Variants in PITPNB observed in about 807,000 individuals in gnomAD.
PITPNB encodes phosphatidylinositol transfer protein beta.
A neutral mutation model predicts 45.9 loss-of-function variants in PITPNB; 16 were observed. The ratio of observed to expected loss-of-function variants is 0.35; its 90% CI spans 0.24 to 0.53. The LOEUF (loss-of-function observed/expected upper bound fraction) is 0.53. Among genes scored for constraint, PITPNB ranks in the 20% least tolerant of loss-of-function variants. The pLI is 0.93. For missense variants in PITPNB, 188 were observed against 330.5 expected (o/e 0.57, Z 3.34); for synonymous variants, 112 against 108.9 (o/e 1.03, Z -0.18).
chr22:27,860,270 T>G, intron 8 of PITPNB, 29 bp from the exon 9 acceptor site: 1 of 1,314,624 alleles, frequency 7.6e-7, no homozygotes. Context: ...AAAGGAGAAA[T>G]TATGACTTAA....
chr22:27,885,903 G>A (rs1177640531), intron 7 of PITPNB, among the ~76,000 whole-genome samples: 1 of 152,138 alleles, frequency 6.6e-6, no homozygotes, highest in East Asian at 1.9e-4. Flanking sequence ...CATGCATCCA[G>A]CATCTTGCTA....
intron 8 of PITPNB, among the ~76,000 whole-genome samples, chr22:27,861,914 C>A (rs908755097): frequency 3.3e-5 from 5 of 152,202 alleles, no homozygotes; most frequent in African/African-American, 1.2e-4. Flanking sequence ...TTTGAATCTG[C>A]AAGACAGTTT....
chr22:27,916,808 A>G (rs529919405), intron 1 of PITPNB, among the ~76,000 whole-genome samples: 1 of 152,262 alleles, frequency 6.6e-6, no homozygotes, highest in Non-Finnish European at 1.5e-5. Flanking sequence ...CAAAAAAAAA[A>G]CATAAAAATA....
At chr22:27,867,321 GAGA>G (rs1273767630) in intron 8 of PITPNB, among the ~76,000 whole-genome samples, 2 of 152,166 alleles carry the variant, frequency 1.3e-5, no homozygotes, top group Non-Finnish European at 2.9e-5. Flanking sequence ...TGGGAGCCAT[GAGA>G]AGGTCATCGG....
At chr22:27,855,687 A>G (rs1174699740) in intron 10 of PITPNB, among the ~76,000 whole-genome samples, 1 of 152,230 alleles carries the variant, frequency 6.6e-6, no homozygotes, top group Non-Finnish European at 1.5e-5. Flanking sequence ...TCAGCTGCTG[A>G]GCCTCAACTC....
chr22:27,912,843 G>C (rs934625892), intron 2 of PITPNB, among the ~76,000 whole-genome samples: 7 of 151,692 alleles, frequency 4.6e-5, no homozygotes, highest in African/African-American at 1.7e-4. Flanking sequence ...TTAGCCAGGT[G>C]CGGTGGCGGG....
intron 3 of PITPNB, among the ~76,000 whole-genome samples, chr22:27,898,769 A>G (rs1935508961): frequency 6.6e-6 from 1 of 152,218 alleles, no homozygotes; most frequent in South Asian, 2.1e-4. Context: ...AGGAAGAGAA[A>G]GGTTCAATAC....
chr22:27,913,214 G>A (rs1003057276), intron 2 of PITPNB, among the ~76,000 whole-genome samples: 1 of 152,140 alleles, frequency 6.6e-6, no homozygotes, highest in African/African-American at 2.4e-5. Context: ...TTTTAATACA[G>A]TGAATCCTCC....
chr22:27,904,373 C>CG (rs1362926152), intron 3 of PITPNB, among the ~76,000 whole-genome samples: 1 of 152,160 alleles, frequency 6.6e-6, no homozygotes, highest in Non-Finnish European at 1.5e-5. Context: ...AAGTCAATCA[C>CG]GGAAGGCCAC....
chr22:27,861,906 T>C (rs1466322540), intron 8 of PITPNB, among the ~76,000 whole-genome samples: 1 of 152,212 alleles, frequency 6.6e-6, no homozygotes, highest in Non-Finnish European at 1.5e-5. Flanking sequence ...TGACCACTTT[T>C]GAATCTGCAA....
chr22:27,917,879 G>A (rs1206112352), intron 1 of PITPNB, among the ~76,000 whole-genome samples: 1 of 152,140 alleles, frequency 6.6e-6, no homozygotes, highest in African/African-American at 2.4e-5. Context: ...CCCAAATAGT[G>A]GGAACTACAA....
chr22:27,883,060 A>G (rs774696321), intron 7 of PITPNB, among the ~76,000 whole-genome samples: 2 of 152,224 alleles, frequency 1.3e-5, no homozygotes, highest in Non-Finnish European at 2.9e-5. Context: ...GCGAACTTCA[A>G]AATACATCAG....
At chr22:27,878,828 C>T (rs561829587) in intron 7 of PITPNB, among the ~76,000 whole-genome samples, 16 of 152,170 alleles carry the variant, frequency 1.1e-4, no homozygotes, top group Non-Finnish European at 1.8e-4. Context: ...TCCCAAAGGA[C>T]CACTAATTGT....
At chr22:27,909,305 A>G (rs1935852425) in intron 3 of PITPNB, among the ~76,000 whole-genome samples, 1 of 147,814 alleles carries the variant, frequency 6.8e-6, no homozygotes, top group African/African-American at 2.5e-5. Flanking sequence ...GAGCTCAAGC[A>G]ATACTCCCAC....
intron 7 of PITPNB, among the ~76,000 whole-genome samples, chr22:27,887,379 CAA>C (rs758459406): frequency 5.3e-5 from 8 of 152,178 alleles, no homozygotes; most frequent in Non-Finnish European, 1.2e-4. Flanking sequence ...GTTTACAAAG[CAA>C]GAGAGTCAGG....
chr22:27,900,942 A>T (rs1264812535), intron 3 of PITPNB, among the ~76,000 whole-genome samples: 1 of 152,228 alleles, frequency 6.6e-6, no homozygotes, highest in Non-Finnish European at 1.5e-5. Context: ...AAGCTTAGAG[A>T]GCCTCAGAAA....
intron 8 of PITPNB, among the ~76,000 whole-genome samples, chr22:27,861,763 G>A (rs994629093): frequency 2.6e-5 from 4 of 152,176 alleles, no homozygotes; most frequent in Non-Finnish European, 4.4e-5. Context: ...GAAAAAAAAG[G>A]GACATCATCT....
chr22:27,896,681 C>T (rs965608797), intron 5 of PITPNB, 55 bp from the exon 6 acceptor site: 1 of 1,217,240 alleles, frequency 8.2e-7, no homozygotes, highest in African/African-American at 1.5e-5. Context: ...TCCTTGGTGC[C>T]CACGTCTGAG....
intron 1 of PITPNB, among the ~76,000 whole-genome samples, chr22:27,918,086 G>T (rs1196918867): frequency 2.6e-5 from 4 of 152,150 alleles, no homozygotes; most frequent in Non-Finnish European, 5.9e-5. Context: ...CAAGGAAAAG[G>T]TAGTAAATGA....
Sources: gnomAD v4.1 joint callset for allele counts (sites outside exome capture counted in the v4.1 genomes callset) on GRCh38, gnomAD v4.1.1 for gene constraint, MANE v1.5 for transcripts, NCBI Gene and HGNC (gene_info 2026-07-23, HGNC 2026-07-21) for gene names.